The following ANKRD11 variants were observed in gnomAD, a reference collection of about 807,000 sequenced individuals.
ANKRD11 encodes ankyrin repeat domain-containing protein 11.
In ANKRD11, 17 loss-of-function variants were observed where a neutral mutation model predicts 195.7. The observed-to-expected ratio is 0.09, with a 90% CI of 0.06 to 0.13. The LOEUF is 0.13. ANKRD11 is among the 10% of genes least tolerant of loss of function. The pLI is 1.00. For synonymous variants in ANKRD11, 1,953 were observed against 1,528.1 expected, an observed-to-expected ratio of 1.28 and a Z score of -6.49; for missense variants, 3,735 against 3,566.1, an observed-to-expected ratio of 1.05 and a Z score of -1.21.
intron 1 of ANKRD11, among the ~76,000 whole-genome samples, chr16:89,421,151 G>C (rs1429064395): frequency 6.7e-6 from 1 of 150,294 alleles, no homozygotes; most frequent in Non-Finnish European, 1.5e-5. Context: ...TGTGATGACG[G>C]AGTCAGGGAT....
chr16:89,415,456 G>A (rs527255533), intron 2 of ANKRD11, among the ~76,000 whole-genome samples: 2 of 149,792 alleles, frequency 1.3e-5, no homozygotes, highest in African/African-American at 5.0e-5. Flanking sequence ...AGTAGAGACG[G>A]GGTTTCACCG....
Position 89,275,189 on chromosome 16 carries a change from G to A in ANKRD11, c.7473C>T (p.Ile2491=), listed in dbSNP as rs371943158. 1.6e-5 allele frequency: 25 copies of A among 1,605,604 alleles called. No individual in the cohort carries two copies. Among genetic ancestry groups the A allele is most frequent in the African/African-American group, 8.0e-5 (6 of 74,982 alleles). The change falls in exon 10 of 13, where the codon ATC becomes ATT. Residue 2491 remains isoleucine, a splice_region_variant and synonymous_variant. Transcript: ENST00000301030. ...GCTCCGCCAGGGAGGGAGGGGGTGC[G>A]ATCTACAGGCAAAAGGTGAGTGTGG... ...KPLSKLHIPV[I]APPPSLAEPL... is the part of the protein sequence containing the mutation.
At chr16:89,328,272 T>C (rs972496611) in intron 2 of ANKRD11, among the ~76,000 whole-genome samples, 2 of 152,232 alleles carry the variant, frequency 1.3e-5, no homozygotes, top group Non-Finnish European at 2.9e-5. Flanking sequence ...GTTGCTGCTC[T>C]GGAGAACAGC....
chr16:89,269,261 T>TCCTCCCTCCTCAA (rs1466250456), intron 12 of ANKRD11, among the ~76,000 whole-genome samples: 1 of 151,906 alleles, frequency 6.6e-6, no homozygotes, highest in East Asian at 1.9e-4. Flanking sequence ...GCTCAAGGGA[T>TCCTCCCTCCTCAA]CCTCCCTCCT....
chr16:89,471,208 A>T (rs193252080), intron 1 of ANKRD11, among the ~76,000 whole-genome samples: 124 of 152,246 alleles, frequency 8.1e-4, no homozygotes, highest in Non-Finnish European at 1.5e-3. Context: ...AAAAAAAAAT[A>T]AATAAATAAA....
intron 2 of ANKRD11, among the ~76,000 whole-genome samples, chr16:89,377,609 G>T (rs937270615): frequency 6.6e-6 from 1 of 152,160 alleles, no homozygotes; most frequent in Non-Finnish European, 1.5e-5. Flanking sequence ...CAGGTGACGA[G>T]GAGGAGGTAG....
intron 1 of ANKRD11, among the ~76,000 whole-genome samples, chr16:89,483,551 G>A (rs912680989): frequency 7.2e-5 from 11 of 152,202 alleles, no homozygotes; most frequent in African/African-American, 2.4e-4. Flanking sequence ...TGTTTAGGCC[G>A]GGCATGGTGG....
intron 2 of ANKRD11, among the ~76,000 whole-genome samples, chr16:89,415,829 CAA>C (rs71134220): frequency 0.036 from 1,413 of 39,710 alleles, 40 homozygotes; most frequent in Middle Eastern, 0.091. Flanking sequence ...GACTCTGTCT[CAA>C]AAAAAAAAAA....
At chr16:89,481,455 G>A (rs895833270) in intron 1 of ANKRD11, among the ~76,000 whole-genome samples, 1 of 152,120 alleles carries the variant, frequency 6.6e-6, no homozygotes, top group South Asian at 2.1e-4. Context: ...CACTCATGAC[G>A]TTGACGCAGG....
In ANKRD11 at chr16:89,280,911, C is replaced by T. The variant is rs746553463; in HGVS notation, c.5631G>A (p.Pro1877=). Residue 1877 remains proline (P), a synonymous_variant, in exon 9 of 13, where the codon CCG becomes CCA. Transcript: ENST00000301030. ...CPPAAVVTVT[P]SPEGVFSSLQ... ...AACTTGAGAAGACGCCCTCTGGAGA[C>T]GGGGTGACAGTGACAACGGCAGCCG... is the stretch of plus-strand genomic sequence containing the variant. The T allele has an allele frequency of 2.8e-5, 44 of 1,599,824 alleles. No individual in the cohort carries two copies. The highest frequency in any genetic ancestry group is 3.4e-5 in the Non-Finnish European group (40 of 1,170,360).
At chr16:89,382,488 G>A (rs1218453381) in intron 2 of ANKRD11, among the ~76,000 whole-genome samples, 1 of 151,244 alleles carries the variant, frequency 6.6e-6, no homozygotes, top group Non-Finnish European at 1.5e-5. Context: ...ACCAAGCCTG[G>A]CTAATTTTTT....
intron 2 of ANKRD11, among the ~76,000 whole-genome samples, chr16:89,379,542 A>G (rs1417503469): frequency 6.6e-6 from 1 of 152,192 alleles, no homozygotes; most frequent in Non-Finnish European, 1.5e-5. Flanking sequence ...GACAGAGCTC[A>G]GTCACGGCTC....
chr16:89,282,454 C>T lies in ANKRD11; in HGVS notation c.4088G>A (p.Arg1363Gln). 5 of 1,614,138 alleles carry T rather than the reference C, an allele frequency of 3.1e-6. No homozygotes were observed. Among genetic ancestry groups the T allele is most frequent in the South Asian group, 1.1e-5 (1 of 91,062 alleles). ...SSSSSKKSHD[R>Q]ERAKKEKAEK... ...GGCCTTCTCTTTCTTGGCTCGCTCT[C>T]GGTCGTGGCTCTTCTTGGATGAAGA... Residue 1363 changes from arginine (R) to glutamine (Q), a missense_variant, in exon 9 of 13, where the codon CGA (arginine) becomes CAA (glutamine). Arg to Gln is a conservative substitution (Grantham distance 43). Coordinates refer to ENST00000301030, the MANE Select transcript of ANKRD11 (RefSeq NM_013275.6).
At chr16:89,471,107 C>T (rs1194948723) in intron 1 of ANKRD11, among the ~76,000 whole-genome samples, 1 of 152,122 alleles carries the variant, frequency 6.6e-6, no homozygotes, top group African/African-American at 2.4e-5. Flanking sequence ...AATCCCAGCA[C>T]TCTGGGAGGC....
chr16:89,461,377 A>T (rs755055098), intron 1 of ANKRD11, among the ~76,000 whole-genome samples: 1 of 152,030 alleles, frequency 6.6e-6, no homozygotes, highest in Non-Finnish European at 1.5e-5. Flanking sequence ...CACCGTGTGA[A>T]TCTAATACCA....
intron 2 of ANKRD11, among the ~76,000 whole-genome samples, chr16:89,356,780 CAA>C (rs58470031): frequency 7.7e-5 from 8 of 103,958 alleles, no homozygotes; most frequent in Non-Finnish European, 5.6e-5. Flanking sequence ...GACTCCGTCT[CAA>C]AAAAAAAAAA....
At position 89,283,424 on chromosome 16, in the gene ANKRD11, T is replaced by G; in HGVS notation, c.3118A>C (p.Lys1040Gln). 6.2e-7 allele frequency: 1 copy of G among 1,614,178 alleles called. No individual in the cohort carries two copies. ...EKSSDKDKSE[K>Q]SILEKCQKDK... ...TTCTGACATTTTTCCAGGATTGATT[T>G]CTCACTTTTGTCCTTGTCACTGGAT... Residue 1040 changes from lysine to glutamine, a missense_variant, in exon 9 of 13, where the codon AAA becomes CAA. Lys to Gln is a moderately conservative substitution (Grantham distance 53). Coordinates refer to ENST00000301030, the MANE Select transcript of ANKRD11 (RefSeq NM_013275.6). This position sits in a 1 kb window ranked among gnomAD's most constrained non-coding sequence, Gnocchi z 4.3.
intron 2 of ANKRD11, among the ~76,000 whole-genome samples, chr16:89,383,471 T>C (rs938014383): frequency 6.6e-6 from 1 of 152,198 alleles, no homozygotes; most frequent in Non-Finnish European, 1.5e-5. Flanking sequence ...ATGGGCTCAT[T>C]TCTGTCTCAT....
At chr16:89,314,732 C>T (rs1177872530) in intron 3 of ANKRD11, among the ~76,000 whole-genome samples, 1 of 152,202 alleles carries the variant, frequency 6.6e-6, no homozygotes, top group Non-Finnish European at 1.5e-5. Context: ...AGACCAGGCA[C>T]AGAGAACAGG....
Sources: allele counts gnomAD v4.1 joint callset (sites outside exome capture counted in the v4.1 genomes callset), GRCh38; gene constraint gnomAD v4.1.1; non-coding constraint Gnocchi (gnomAD v3.1); transcripts MANE v1.5; gene names NCBI Gene and HGNC (gene_info 2026-07-23, HGNC 2026-07-21).